Variants in IGF2BP3 observed in about 807,000 individuals in gnomAD.
IGF2BP3 encodes the protein insulin like growth factor 2 mRNA binding protein 3.
A neutral mutation model predicts 73.8 loss-of-function variants in IGF2BP3; 9 were observed. The ratio of observed to expected loss-of-function variants is 0.12; its 90% CI spans 0.07 to 0.21. The LOEUF (loss-of-function observed/expected upper bound fraction) is 0.21, where lower values mean the gene tolerates loss of function less well. Among genes scored for constraint, IGF2BP3 ranks in the 10% least tolerant of loss-of-function variants. The pLI is 1.00. For missense variants in IGF2BP3, 542 were observed against 714.0 expected, an observed-to-expected ratio of 0.76 and a Z score of 2.75; for synonymous variants, 258 against 256.7, an observed-to-expected ratio of 1.01 and a Z score of -0.05.
At chr7:23,433,202 T>C (rs1584039500) in intron 2 of IGF2BP3, among the ~76,000 whole-genome samples, 1 of 152,202 alleles carries the variant, frequency 6.6e-6, no homozygotes. Context: ...TACTTTTCCA[T>C]AGCTAAAACT....
At position 23,470,258 on chromosome 7, in the gene IGF2BP3, G is replaced by A. The variant is rs1199019861; in HGVS notation, c.-148C>T. On this transcript the variant is annotated 5_prime_UTR_variant, in exon 1 of 15. Transcript: ENST00000258729. ...CACAGTAAGAACCAAGCACAAGAAC[G>A]AGGAGTGAAAAATCAGATCCGAGGC... The A allele has an allele frequency of 1.7e-6, 1 of 571,750 alleles. No individual in the cohort carries two copies. The highest frequency in any genetic ancestry group is 3.0e-6 in the Non-Finnish European group (1 of 331,598). 35.4% of individuals were successfully genotyped at this position (571,750 alleles called of 1,614,324 possible).
chr7:23,371,968 A>G (rs1439228059), intron 3 of IGF2BP3, among the ~76,000 whole-genome samples: 1 of 151,942 alleles, frequency 6.6e-6, no homozygotes, highest in Admixed American at 6.6e-5. Context: ...GGCTTACGTT[A>G]TGTTTCTCTT....
At chr7:23,336,244 A>G (rs1784569579) in intron 10 of IGF2BP3, among the ~76,000 whole-genome samples, 1 of 152,230 alleles carries the variant, frequency 6.6e-6, no homozygotes, top group Admixed American at 6.5e-5. Flanking sequence ...TTGACAGGCA[A>G]TATACATTTA....
intron 3 of IGF2BP3, among the ~76,000 whole-genome samples, chr7:23,407,945 GC>G (rs1786891366): frequency 1.4e-4 from 4 of 28,178 alleles, no homozygotes; most frequent in Non-Finnish European, 3.0e-4. Context: ...TTTGTGGGGG[GC>G]AGGGGGCGGG....
chr7:23,384,180 G>GAAGCCAGA (rs1786008375), intron 3 of IGF2BP3, among the ~76,000 whole-genome samples: 1 of 149,688 alleles, frequency 6.7e-6, no homozygotes, highest in South Asian at 2.1e-4. Flanking sequence ...CTAAGTGAAA[G>GAAGCCAGA]AAGCCAGACA....
At chr7:23,356,612 T>A (rs1435249474) in intron 5 of IGF2BP3, among the ~76,000 whole-genome samples, 1 of 152,156 alleles carries the variant, frequency 6.6e-6, no homozygotes, top group African/African-American at 2.4e-5. Flanking sequence ...AATCTCTTCT[T>A]TTTTATTCCC....
chr7:23,365,962 G>A (rs960784741), intron 3 of IGF2BP3: 3 of 152,170 alleles, frequency 2.0e-5, no homozygotes, highest in Non-Finnish European at 4.4e-5. Flanking sequence ...GTCAGTCAAT[G>A]AGGATGAGAA....
intron 9 of IGF2BP3, among the ~76,000 whole-genome samples, chr7:23,342,430 C>T (rs1318170174): frequency 6.6e-6 from 1 of 152,144 alleles, no homozygotes; most frequent in South Asian, 2.1e-4. Context: ...ATTAAGATAT[C>T]TCAAGGGAAG....
chr7:23,394,188 A>G (rs1201206432), intron 3 of IGF2BP3, among the ~76,000 whole-genome samples: 2 of 152,202 alleles, frequency 1.3e-5, no homozygotes, highest in East Asian at 3.9e-4. Flanking sequence ...TGATAACGCT[A>G]TTTATAATCA....
intron 3 of IGF2BP3, among the ~76,000 whole-genome samples, chr7:23,366,659 A>C (rs1785381383): frequency 6.6e-6 from 1 of 151,992 alleles, no homozygotes. Context: ...ATTTAACAAC[A>C]CAACTTAGGA....
At chr7:23,446,828 A>C (rs1032748166) in intron 2 of IGF2BP3, among the ~76,000 whole-genome samples, 5 of 152,128 alleles carry the variant, frequency 3.3e-5, no homozygotes, top group Non-Finnish European at 5.9e-5. Context: ...ACCACTACTG[A>C]AACAAAAATC....
At chr7:23,379,472 C>A (rs1168765575) in intron 3 of IGF2BP3, among the ~76,000 whole-genome samples, 2 of 152,110 alleles carry the variant, frequency 1.3e-5, no homozygotes, top group African/African-American at 4.8e-5. Context: ...TTGGATAGCA[C>A]CTATTGCGAA....
chr7:23,347,460 T>C, intron 7 of IGF2BP3, 140 bp downstream of exon 7: 1 of 798,248 alleles, frequency 1.3e-6, no homozygotes, highest in East Asian at 2.5e-5. Context: ...CACAACCAGA[T>C]CAACAGTGCC....
In IGF2BP3 at chr7:23,310,469, T is replaced by C. The variant is rs1026066569; in HGVS notation, c.*1893A>G. On this transcript the variant is annotated 3_prime_UTR_variant, in exon 15 of 15. Transcript: ENST00000258729. ...GATATAAATGCAGCACCTATGTGTATATTTTTAAAAAATCAAATATTGGGG... is the reference window on the plus strand; with the variant it reads ...GATATAAATGCAGCACCTATGTGTACATTTTTAAAAAATCAAATATTGGGG... The C allele has an allele frequency of 7.9e-5, 12 of 152,230 alleles. No homozygotes were observed. The highest frequency in any genetic ancestry group is 7.9e-4 in the Admixed American group (12 of 15,282). 9.4% of individuals were successfully genotyped at this position (152,230 alleles called of 1,614,324 possible).
At chr7:23,346,887 G>A (rs914242573) in intron 7 of IGF2BP3, among the ~76,000 whole-genome samples, 2 of 151,722 alleles carry the variant, frequency 1.3e-5, no homozygotes, top group Non-Finnish European at 2.9e-5. Context: ...CGCCACACCA[G>A]GCCTATTTTT....
intron 10 of IGF2BP3, among the ~76,000 whole-genome samples, chr7:23,330,321 CAATATATATTTATAT>C (rs1784412172): frequency 6.8e-6 from 1 of 148,120 alleles, no homozygotes. Flanking sequence ...AATATTTATA[CAATATATATTTATAT>C]AATATTTATA....
intron 3 of IGF2BP3, among the ~76,000 whole-genome samples, chr7:23,390,361 T>C (rs1284071616): frequency 6.6e-6 from 1 of 151,964 alleles, no homozygotes; most frequent in Non-Finnish European, 1.5e-5. Flanking sequence ...ATTCTTTAAC[T>C]GAGGCTTCTG....
At chr7:23,337,016 T>C (rs1226847045) in intron 10 of IGF2BP3, among the ~76,000 whole-genome samples, 1 of 152,006 alleles carries the variant, frequency 6.6e-6, no homozygotes, top group African/African-American at 2.4e-5. Flanking sequence ...ATTTACTGCC[T>C]TTAAAAACAA....
At chr7:23,336,976 T>A (rs1383963208) in intron 10 of IGF2BP3, among the ~76,000 whole-genome samples, 4 of 151,562 alleles carry the variant, frequency 2.6e-5, no homozygotes, top group Non-Finnish European at 5.9e-5. Context: ...GAAGCAATGA[T>A]AAGCAAAGAA....
Sources: gnomAD v4.1 joint callset for allele counts (sites outside exome capture counted in the v4.1 genomes callset) on GRCh38, gnomAD v4.1.1 for gene constraint, MANE v1.5 for transcripts, NCBI Gene and HGNC (gene_info 2026-07-23, HGNC 2026-07-21) for gene names.